HYDIN: variants seen among roughly 807,000 people sequenced by gnomAD.
The protein encoded by HYDIN is HYDIN axonemal central pair apparatus protein.
In HYDIN, 132 loss-of-function variants were observed where a neutral mutation model predicts 403.9. That is an observed-to-expected ratio of 0.33 (90% confidence interval 0.28 to 0.38). HYDIN has a LOEUF of 0.38. HYDIN is among the 10% of genes least tolerant of loss of function. The pLI, the probability that HYDIN is intolerant of heterozygous loss-of-function variation, is 1.00. For missense variants in HYDIN, 2,827 were observed against 5,009.5 expected, an observed-to-expected ratio of 0.56 and a Z score of 13.15; for synonymous variants, 1,202 against 1,891.7, an observed-to-expected ratio of 0.64 and a Z score of 9.46.
intron 83 of HYDIN, among the ~76,000 whole-genome samples, chr16:70,820,474 G>C (rs867726767): frequency 2.0e-5 from 3 of 150,224 alleles, no homozygotes; most frequent in African/African-American, 7.4e-5. Flanking sequence ...CCACCGTGCC[G>C]GGCCTAAAGT....
intron 6 of HYDIN, among the ~76,000 whole-genome samples, chr16:71,159,979 T>TTC (rs1162615556): frequency 7.9e-6 from 1 of 126,762 alleles, no homozygotes; most frequent in Admixed American, 8.1e-5. Flanking sequence ...CACGAAATAG[T>TTC]TCAGAGAGAG....
intron 80 of HYDIN, 113 bp from the exon 81 acceptor site, chr16:70,829,943 A>T: frequency 1.1e-6 from 1 of 925,266 alleles, no homozygotes; most frequent in Admixed American, 2.2e-5. Flanking sequence ...GCTTCCCATC[A>T]TGAGTTTCAG....
chr16:71,230,417 G>T, intron 1 of HYDIN, 145 bp downstream of exon 1: 1 of 955,562 alleles, frequency 1.0e-6, no homozygotes, highest in Non-Finnish European at 1.5e-6. Flanking sequence ...GAAGTGGCTA[G>T]GGAAGGCTGA....
At chr16:70,970,416 T>C in intron 36 of HYDIN, 104 bp downstream of exon 36, 1 of 670,480 alleles carries the variant, frequency 1.5e-6, no homozygotes, top group South Asian at 1.9e-5. Flanking sequence ...GGGAAGTAGG[T>C]CAGAAAAGGC....
intron 65 of HYDIN, among the ~76,000 whole-genome samples, chr16:70,871,757 C>T (rs1326037281): frequency 8.0e-6 from 1 of 124,910 alleles, no homozygotes; most frequent in Non-Finnish European, 1.7e-5. Context: ...GATAGGAAGA[C>T]TAGGACCTGT....
At chr16:70,999,018 C>T (rs1156547957) in intron 23 of HYDIN, among the ~76,000 whole-genome samples, 1 of 152,176 alleles carries the variant, frequency 6.6e-6, no homozygotes, top group African/African-American at 2.4e-5. Flanking sequence ...CAGAATACTT[C>T]CAACTGGTCA....
chr16:71,066,780 TA>T (rs1037522245), intron 15 of HYDIN: 17 of 438,438 alleles, frequency 3.9e-5, no homozygotes, highest in African/African-American at 2.8e-4. Context: ...CTGAGGAGTA[TA>T]CCTTGTTAAA....
chr16:70,888,970 G>GA (rs2041316896), intron 58 of HYDIN, among the ~76,000 whole-genome samples: 1 of 152,268 alleles, frequency 6.6e-6, no homozygotes. Context: ...AAGGCAGAAA[G>GA]AAAGTAGGAG....
chr16:70,939,281 G>A (rs1651593818), intron 43 of HYDIN, among the ~76,000 whole-genome samples: 1 of 152,202 alleles, frequency 6.6e-6, no homozygotes, highest in African/African-American at 2.4e-5. Context: ...GCTGAGAAAA[G>A]TCCGGAGCAA....
In HYDIN at chr16:70,879,375, G is replaced by C. The variant is rs1567753189; in HGVS notation, c.10479C>G (p.Leu3493=). 1 of 1,566,846 alleles carries C rather than the reference G, an allele frequency of 6.4e-7. No individual in the cohort carries two copies. Among genetic ancestry groups the C allele is most frequent in the Non-Finnish European group, 8.8e-7 (1 of 1,139,196 alleles). Residue 3493 remains leucine (L), a synonymous_variant, in exon 62 of 86, where the codon CTC becomes CTG. Transcript: ENST00000393567. ...VLHNQYGNPL[L]LFKRLLLGHS... Reference sequence around the variant, plus strand: ...GACCAAGGAGAAGCCTCTTAAAGAGGAGCAAGGGGTTTCCATATTGGTTAT... The same window carrying C: ...GACCAAGGAGAAGCCTCTTAAAGAGCAGCAAGGGGTTTCCATATTGGTTAT...
At chr16:71,136,686 G>C (rs1433016259) in intron 8 of HYDIN, among the ~76,000 whole-genome samples, 1 of 144,822 alleles carries the variant, frequency 6.9e-6, no homozygotes, top group Admixed American at 7.1e-5. Context: ...AGAATTGCTT[G>C]AACCCAGGAG....
At chr16:71,138,879 T>C (rs1320172136) in intron 7 of HYDIN, among the ~76,000 whole-genome samples, 1 of 151,060 alleles carries the variant, frequency 6.6e-6, no homozygotes, top group East Asian at 1.9e-4. Flanking sequence ...AGGTCGGGAG[T>C]TCAAGACCAG....
At chr16:71,230,327 C>T (rs1310677415) in intron 1 of HYDIN, among the ~76,000 whole-genome samples, 1 of 152,182 alleles carries the variant, frequency 6.6e-6, no homozygotes, top group Non-Finnish European at 1.5e-5. Flanking sequence ...CACCTCAGGC[C>T]TTCTGCCCTT....
intron 23 of HYDIN, among the ~76,000 whole-genome samples, chr16:71,009,340 C>T (rs1325020179): frequency 1.3e-5 from 2 of 150,522 alleles, no homozygotes; most frequent in African/African-American, 4.9e-5. Flanking sequence ...GAAGCCTGAA[C>T]CTAGACTTTC....
At chr16:71,168,557 G>C (rs983584324) in intron 5 of HYDIN, among the ~76,000 whole-genome samples, 1 of 151,190 alleles carries the variant, frequency 6.6e-6, no homozygotes, top group Non-Finnish European at 1.5e-5. Flanking sequence ...GAGGTAGGTA[G>C]GCCAGGTCGG....
chr16:71,157,899 C>A (rs539319316), intron 6 of HYDIN, among the ~76,000 whole-genome samples: 1 of 145,510 alleles, frequency 6.9e-6, no homozygotes, highest in East Asian at 2.0e-4. Flanking sequence ...GGACCAGGGT[C>A]ACCTGGCAGA....
chr16:70,974,851 C>T (rs2078843470), intron 31 of HYDIN, among the ~76,000 whole-genome samples, 181 bp from the exon 32 acceptor site: 1 of 152,190 alleles, frequency 6.6e-6, no homozygotes, highest in East Asian at 1.9e-4. Context: ...CAGAGATTCA[C>T]ACCACTGTTT....
At chr16:71,027,481 C>T (rs2080749452) in intron 20 of HYDIN, 121 bp downstream of exon 20, 2 of 1,539,362 alleles carry the variant, frequency 1.3e-6, no homozygotes, top group South Asian at 2.4e-5. Context: ...CAGGATTGTA[C>T]ACAATCCTTG....
chr16:70,852,983 G>A (rs1462634757), intron 73 of HYDIN, among the ~76,000 whole-genome samples: 10 of 148,662 alleles, frequency 6.7e-5, no homozygotes, highest in Non-Finnish European at 1.5e-5. Context: ...AGACCAGCCT[G>A]GCCAACATGG....
Sources: gnomAD v4.1 joint callset for allele counts (sites outside exome capture counted in the v4.1 genomes callset) on GRCh38, gnomAD v4.1.1 for gene constraint, MANE v1.5 for transcripts, NCBI Gene and HGNC (gene_info 2026-07-23, HGNC 2026-07-21) for gene names.